Variants in PEAK1 observed in about 807,000 individuals in gnomAD.
PEAK1 encodes inactive tyrosine-protein kinase PEAK1.
Under a neutral mutation model 124.7 loss-of-function variants are expected in PEAK1, and 54 were observed. That is an observed-to-expected ratio of 0.43 (90% CI 0.35 to 0.54). The LOEUF is 0.54. Ranked by LOEUF, PEAK1 falls within the 20% of genes least tolerant of loss-of-function variation. The pLI, the probability that PEAK1 is intolerant of heterozygous loss-of-function variation, is 0.01. For synonymous variants in PEAK1, 719 were observed against 760.0 expected (o/e 0.95, Z 0.89); for missense variants, 2,046 against 2,134.5 (o/e 0.96, Z 0.82).
intron 6 of PEAK1, among the ~76,000 whole-genome samples, chr15:77,209,225 TA>T (rs2058798134): frequency 6.6e-6 from 1 of 152,184 alleles, no homozygotes. Context: ...TAAGAGAGGA[TA>T]TAGAAAGTCC....
At chr15:77,135,859 C>G (rs903401113) in intron 8 of PEAK1, among the ~76,000 whole-genome samples, 3 of 152,032 alleles carry the variant, frequency 2.0e-5, no homozygotes, top group Non-Finnish European at 4.4e-5. Context: ...AAATCTCTTT[C>G]TTTTGTAAAT....
At chr15:77,271,354 A>C (rs2062021013) in intron 5 of PEAK1, among the ~76,000 whole-genome samples, 1 of 152,218 alleles carries the variant, frequency 6.6e-6, no homozygotes. Flanking sequence ...TAGTTCAACC[A>C]TTGTGGAAGT....
intron 2 of PEAK1, chr15:77,331,117 T>C (rs974889534): frequency 5.0e-5 from 31 of 623,122 alleles, no homozygotes; most frequent in Non-Finnish European, 5.8e-5. Flanking sequence ...TATTTTATTA[T>C]GTTTAAAATT....
intron 8 of PEAK1, among the ~76,000 whole-genome samples, chr15:77,151,234 A>G (rs57769526): frequency 0.34 from 50,156 of 145,430 alleles, 8,758 homozygotes; most frequent in Non-Finnish European, 0.36. Flanking sequence ...ATCTCATTGC[A>G]GTTTTGATTT....
intron 1 of PEAK1, among the ~76,000 whole-genome samples, chr15:77,393,322 C>T (rs1316587619): frequency 6.6e-6 from 1 of 152,196 alleles, no homozygotes; most frequent in Non-Finnish European, 1.5e-5. Context: ...GAACTCCACT[C>T]CCCACACTGT....
At chr15:77,164,064 A>G (rs1401892266) in intron 7 of PEAK1, among the ~76,000 whole-genome samples, 2 of 152,166 alleles carry the variant, frequency 1.3e-5, no homozygotes, top group Non-Finnish European at 2.9e-5. Flanking sequence ...AGGGAGAAAA[A>G]ACAAAACAAA....
chr15:77,148,774 T>C (rs2054356028), intron 8 of PEAK1, among the ~76,000 whole-genome samples: 1 of 151,394 alleles, frequency 6.6e-6, no homozygotes, highest in Non-Finnish European at 1.5e-5. Context: ...AATTAAAAAA[T>C]TAGCTGATCA....
chr15:77,218,555 T>C (rs538186862), intron 6 of PEAK1, among the ~76,000 whole-genome samples: 1 of 152,070 alleles, frequency 6.6e-6, no homozygotes, highest in East Asian at 1.9e-4. Context: ...ATGAGGAACG[T>C]TGGTCTTTAA....
At chr15:77,402,862 A>G (rs2071489845) in intron 1 of PEAK1, 2 of 985,452 alleles carry the variant, frequency 2.0e-6, no homozygotes, top group Non-Finnish European at 2.4e-6. Context: ...GGAAATATCT[A>G]AACTTTCAAT....
intron 1 of PEAK1, among the ~76,000 whole-genome samples, chr15:77,385,150 C>T (rs569647434): frequency 3.7e-4 from 56 of 152,192 alleles, no homozygotes; most frequent in African/African-American, 1.3e-3. Context: ...TGCCTACACC[C>T]AAAACCACAC....
At chr15:77,378,571 T>C (rs979196899) in intron 1 of PEAK1, among the ~76,000 whole-genome samples, 1 of 152,168 alleles carries the variant, frequency 6.6e-6, no homozygotes, top group Non-Finnish European at 1.5e-5. Flanking sequence ...TAACACACTC[T>C]TTACTATATA....
At chr15:77,261,298 A>G (rs912867839) in intron 5 of PEAK1, among the ~76,000 whole-genome samples, 4 of 152,204 alleles carry the variant, frequency 2.6e-5, no homozygotes, top group Admixed American at 6.5e-5. Context: ...TTGAGAGAAG[A>G]AGGCTTCAGA....
At chr15:77,243,025 G>A (rs1361522914) in intron 6 of PEAK1, among the ~76,000 whole-genome samples, 1 of 152,122 alleles carries the variant, frequency 6.6e-6, no homozygotes, top group Non-Finnish European at 1.5e-5. Flanking sequence ...CCAACATTGT[G>A]AATATGTTTC....
intron 5 of PEAK1, among the ~76,000 whole-genome samples, chr15:77,260,147 A>C (rs2061365300): frequency 6.6e-6 from 1 of 152,148 alleles, no homozygotes; most frequent in Admixed American, 6.6e-5. Flanking sequence ...ATACAAAGCA[A>C]TCAGCAGGGT....
intron 2 of PEAK1, among the ~76,000 whole-genome samples, chr15:77,324,229 G>A (rs1461626596): frequency 6.6e-6 from 1 of 152,196 alleles, no homozygotes; most frequent in African/African-American, 2.4e-5. Flanking sequence ...TGTAATCCCA[G>A]CACTTTGGGA....
At chr15:77,224,819 A>T (rs779887569) in intron 6 of PEAK1, among the ~76,000 whole-genome samples, 1 of 151,688 alleles carries the variant, frequency 6.6e-6, no homozygotes, top group Non-Finnish European at 1.5e-5. Context: ...TTCAAAATAC[A>T]TCCAATCTAT....
Position 77,405,349 on chromosome 15 carries a change from G to A in PEAK1, c.-666+14657C>T, listed in dbSNP as rs567235336. On this transcript the variant is annotated intron_variant, in intron 1 of 9. Transcript: ENST00000682557. Reference sequence around the variant, plus strand: ...AGATGTATATATACACAAAAAGGCTGAGGAGAAGGGCGTTACATTATTAGC... The same window carrying A: ...AGATGTATATATACACAAAAAGGCTAAGGAGAAGGGCGTTACATTATTAGC... 2.6e-5 allele frequency among the ~76,000 whole-genome samples: 4 copies of A among 152,246 alleles called. No individual in the cohort carries two copies. The South Asian group carries it at 6.2e-4, about 24-fold the overall frequency.
intron 6 of PEAK1, among the ~76,000 whole-genome samples, chr15:77,225,399 A>G (rs2152886200): frequency 6.6e-6 from 1 of 152,020 alleles, no homozygotes; most frequent in Middle Eastern, 3.4e-3. Flanking sequence ...AATTTATTTC[A>G]TTAACTGGTG....
At chr15:77,266,351 A>G (rs1259474352) in intron 5 of PEAK1, among the ~76,000 whole-genome samples, 1 of 152,180 alleles carries the variant, frequency 6.6e-6, no homozygotes, top group South Asian at 2.1e-4. Flanking sequence ...AGTGGGTATC[A>G]TCAGAGGCCT....
Sources: gnomAD v4.1 joint callset for allele counts (sites outside exome capture counted in the v4.1 genomes callset) on GRCh38, gnomAD v4.1.1 for gene constraint, MANE v1.5 for transcripts, NCBI Gene and HGNC (gene_info 2026-07-23, HGNC 2026-07-21) for gene names.